GPC5: variants seen among roughly 807,000 people sequenced by gnomAD.
GPC5 encodes glypican-5.
In GPC5, 47 loss-of-function variants were observed where a neutral mutation model predicts 53.9. The observed-to-expected ratio is 0.87, with a 90% CI of 0.69 to 1.11. The LOEUF (loss-of-function observed/expected upper bound fraction) is 1.11, where lower values mean the gene tolerates loss of function less well. GPC5 is among the 50% of genes most tolerant of loss of function. The probability of loss-of-function intolerance (pLI) is 0.00; values close to 1 mark genes in which losing one functional copy is unlikely to be tolerated. For missense variants in GPC5, 748 were observed against 713.1 expected (o/e 1.05, Z -0.56); for synonymous variants, 286 against 263.3 (o/e 1.09, Z -0.84).
intron 6 of GPC5, among the ~76,000 whole-genome samples, chr13:92,000,135 A>G (rs1272190373): frequency 1.3e-5 from 2 of 152,180 alleles, no homozygotes; most frequent in African/African-American, 2.4e-5. Context: ...TCTGGGAGAT[A>G]CCTGCTTGTG....
chr13:91,669,592 C>T (rs1316691552), intron 2 of GPC5, among the ~76,000 whole-genome samples: 5 of 151,900 alleles, frequency 3.3e-5, no homozygotes, highest in East Asian at 1.9e-4. Context: ...TTTACTGAGA[C>T]GATAACAGCT....
At chr13:92,012,192 A>G (rs2040667578) in intron 6 of GPC5, among the ~76,000 whole-genome samples, 3 of 152,142 alleles carry the variant, frequency 2.0e-5, no homozygotes, top group Admixed American at 2.0e-4. Context: ...AATATATTCC[A>G]TTTTTCAACA....
At chr13:92,479,085 T>C (rs1015761793) in intron 7 of GPC5, among the ~76,000 whole-genome samples, 2 of 152,170 alleles carry the variant, frequency 1.3e-5, no homozygotes, top group Admixed American at 6.6e-5. Context: ...CTGTATTTGA[T>C]TACACAAATT....
intron 2 of GPC5, among the ~76,000 whole-genome samples, chr13:91,632,533 A>G (rs966990469): frequency 6.6e-6 from 1 of 152,150 alleles, no homozygotes; most frequent in African/African-American, 2.4e-5. Context: ...CCAAAAAACA[A>G]AGGAAAATAT....
chr13:92,165,629 G>A (rs377318896), intron 7 of GPC5, among the ~76,000 whole-genome samples: 49 of 152,266 alleles, frequency 3.2e-4, no homozygotes, highest in East Asian at 1.5e-3. Context: ...CCGTGATTCC[G>A]TCACCTCTCA....
intron 2 of GPC5, among the ~76,000 whole-genome samples, chr13:91,681,462 A>G (rs1286653041): frequency 6.6e-6 from 1 of 152,156 alleles, no homozygotes; most frequent in East Asian, 1.9e-4. Context: ...CTGCCTGCCT[A>G]GCTCTTCCAT....
intron 7 of GPC5, among the ~76,000 whole-genome samples, chr13:92,376,077 T>C (rs575184766): frequency 1.3e-5 from 2 of 152,314 alleles, no homozygotes; most frequent in South Asian, 2.1e-4. Flanking sequence ...GGTAGTTTCA[T>C]TGAGAAACTT....
intron 7 of GPC5, among the ~76,000 whole-genome samples, chr13:92,810,440 T>C (rs952627336): frequency 1.3e-5 from 2 of 151,928 alleles, no homozygotes; most frequent in African/African-American, 4.8e-5. Flanking sequence ...TGGTAAAATA[T>C]ATTTAACATA....
At chr13:91,658,996 T>A (rs1212817805) in intron 2 of GPC5, among the ~76,000 whole-genome samples, 1 of 152,192 alleles carries the variant, frequency 6.6e-6, no homozygotes, top group Non-Finnish European at 1.5e-5. Context: ...GTACTGCATT[T>A]TTTTACTATT....
In GPC5 at chr13:92,538,411, C is replaced by T. The variant is rs957269966; in HGVS notation, c.1562-327871C>T. ...TGCTTCACTCCTTCATTCCTTCTTCCCTACCTCTCTTCCTCCTTTTTCCCA... is the reference window on the plus strand; with the variant it reads ...TGCTTCACTCCTTCATTCCTTCTTCTCTACCTCTCTTCCTCCTTTTTCCCA... On this transcript the variant is annotated intron_variant, in intron 7 of 7. Coordinates refer to ENST00000377067, the MANE Select transcript of GPC5 (RefSeq NM_004466.6). Among the ~76,000 whole-genome samples the T allele has an allele frequency of 5.3e-5, 8 of 150,886 alleles. No individual in the cohort carries two copies. In the East Asian group the frequency reaches 7.9e-4, roughly 15 times the overall value.
chr13:91,596,656 T>G (rs1382907820), intron 2 of GPC5, among the ~76,000 whole-genome samples: 1 of 152,174 alleles, frequency 6.6e-6, no homozygotes, highest in Non-Finnish European at 1.5e-5. Context: ...TTTGGGTCTT[T>G]CTTTTCAGAC....
intron 7 of GPC5, among the ~76,000 whole-genome samples, chr13:92,480,899 T>C (rs1879324377): frequency 6.6e-6 from 1 of 152,038 alleles, no homozygotes; most frequent in Non-Finnish European, 1.5e-5. Flanking sequence ...AGCAGAATGA[T>C]GTGGATTAAG....
chr13:91,664,173 A>G (rs762758025), intron 2 of GPC5, among the ~76,000 whole-genome samples: 5 of 152,244 alleles, frequency 3.3e-5, no homozygotes, highest in Non-Finnish European at 7.3e-5. Context: ...AATACAGTAT[A>G]TAACTCTATG....
chr13:92,622,240 A>T (rs2139116750), intron 7 of GPC5, among the ~76,000 whole-genome samples: 1 of 152,182 alleles, frequency 6.6e-6, no homozygotes, highest in South Asian at 2.1e-4. Context: ...TGTCCTGAAG[A>T]CCCAGCTCCT....
intron 7 of GPC5, among the ~76,000 whole-genome samples, chr13:92,624,328 C>T (rs1160958180): frequency 1.3e-5 from 2 of 152,108 alleles, no homozygotes; most frequent in Non-Finnish European, 2.9e-5. Context: ...CCTCGGCCTC[C>T]CAAAATGCTG....
intron 6 of GPC5, among the ~76,000 whole-genome samples, chr13:92,112,572 C>G (rs1417086308): frequency 6.6e-6 from 1 of 152,038 alleles, no homozygotes; most frequent in African/African-American, 2.4e-5. Context: ...GAAAGAAATT[C>G]AGTCAAGCTA....
intron 3 of GPC5, among the ~76,000 whole-genome samples, chr13:91,719,848 T>C (rs2036426404): frequency 6.6e-6 from 1 of 152,146 alleles, no homozygotes; most frequent in African/African-American, 2.4e-5. Flanking sequence ...TTTTCTCTTA[T>C]TTCTCTCTTT....
intron 7 of GPC5, among the ~76,000 whole-genome samples, chr13:92,751,838 A>C (rs536045663): frequency 1.3e-5 from 2 of 152,252 alleles, no homozygotes; most frequent in South Asian, 4.1e-4. Flanking sequence ...AAGTCAATCT[A>C]TGTGTTTCTC....
At chr13:92,451,457 A>C (rs1239639913) in intron 7 of GPC5, among the ~76,000 whole-genome samples, 2 of 152,118 alleles carry the variant, frequency 1.3e-5, no homozygotes, top group Non-Finnish European at 2.9e-5. Context: ...TGTAAAAAGT[A>C]CTATATTAGC....
Sources: allele counts gnomAD v4.1 joint callset (sites outside exome capture counted in the v4.1 genomes callset), GRCh38; gene constraint gnomAD v4.1.1; transcripts MANE v1.5; gene names NCBI Gene and HGNC (gene_info 2026-07-23, HGNC 2026-07-21).